KCNU1: variants seen among roughly 807,000 people sequenced by gnomAD.
The protein encoded by KCNU1 is potassium channel subfamily U member 1.
Under a neutral mutation model 126.8 loss-of-function variants are expected in KCNU1, and 93 were observed. The ratio of observed to expected loss-of-function variants is 0.73; its 90% confidence interval spans 0.62 to 0.87. The LOEUF (loss-of-function observed/expected upper bound fraction) is 0.87, where lower values mean the gene tolerates loss of function less well. Among genes scored for constraint, KCNU1 ranks in the 40% least tolerant of loss-of-function variants. The pLI, the probability that KCNU1 is intolerant of heterozygous loss-of-function variation, is 0.00. For missense variants in KCNU1, 1,330 were observed against 1,367.1 expected, an observed-to-expected ratio of 0.97 and a Z score of 0.43; for synonymous variants, 523 against 494.2, an observed-to-expected ratio of 1.06 and a Z score of -0.77.
chr8:36,831,523 T>C (rs1193573204), intron 10 of KCNU1, among the ~76,000 whole-genome samples: 63 of 151,972 alleles, frequency 4.1e-4, no homozygotes, highest in Non-Finnish European at 8.1e-4. Flanking sequence ...TGGTGAGCAT[T>C]TTTTCATGTG....
Position 36,878,346 on chromosome 8 carries a change from G to A in KCNU1, c.2009+13825G>A, listed in dbSNP as rs562291749. On this transcript the variant is annotated intron_variant, in intron 19 of 26. Transcript: ENST00000399881. ...AAATCTGTGTGCCCCACCCAAGGAG[G>A]CTGCTCTGTCAGCTGCACTCTACCA... is the stretch of plus-strand genomic sequence containing the variant. Among the ~76,000 whole-genome samples the A allele has an allele frequency of 7.9e-5, 12 of 152,300 alleles. 2 individuals are homozygous for A. The highest frequency in any genetic ancestry group is 2.9e-4 in the African/African-American group (12 of 41,572).
Position 36,822,707 on chromosome 8 carries a change from A to C in KCNU1, c.1106+4947A>C, listed in dbSNP as rs180963908. On this transcript the variant is annotated intron_variant, in intron 10 of 26. Transcript: ENST00000399881. ...AAAAACTATGACTAAATTAAGCAGA[A>C]AAGAATACACAAATAGATATTACAC... 2.6e-3 allele frequency among the ~76,000 whole-genome samples: 398 copies of C among 152,286 alleles called. 4 individuals are homozygous for C. Among genetic ancestry groups the C allele is most frequent in the Non-Finnish European group, 1.7e-3 (118 of 68,032 alleles).
chr8:36,846,927 G>C (rs78271872), intron 18 of KCNU1, among the ~76,000 whole-genome samples: 1 of 151,908 alleles, frequency 6.6e-6, no homozygotes, highest in African/African-American at 2.4e-5. Flanking sequence ...TGAGGTTCTT[G>C]TTCTCTCCTT....
chr8:36,834,752 A>G (rs1056409655), intron 11 of KCNU1, 34 bp from the exon 12 acceptor site: 2 of 1,406,928 alleles, frequency 1.4e-6, no homozygotes, highest in Non-Finnish European at 1.0e-6. Flanking sequence ...CCATGTAATT[A>G]ACAAGATGGC....
intron 2 of KCNU1, among the ~76,000 whole-genome samples, chr8:36,790,187 A>G (rs1421467937): frequency 6.6e-6 from 1 of 152,246 alleles, no homozygotes; most frequent in East Asian, 1.9e-4. Flanking sequence ...ACAAAATTCA[A>G]CCATAACCTT....
intron 16 of KCNU1, among the ~76,000 whole-genome samples, chr8:36,843,772 T>C (rs1805041080): frequency 1.3e-5 from 2 of 152,184 alleles, no homozygotes; most frequent in East Asian, 1.9e-4. Flanking sequence ...CTTGAAGAGA[T>C]CCTACGACTT....
chr8:36,804,085 CTGAG>C lies in KCNU1; in HGVS notation c.377+3_377+6del, dbSNP rs773008881. 1 of 1,549,080 alleles carries C rather than the reference CTGAG, an allele frequency of 6.5e-7. No individual in the cohort carries two copies. Among genetic ancestry groups the C allele is most frequent in the Non-Finnish European group, 8.8e-7 (1 of 1,140,976 alleles). ...CTTATAATCTATTTCATCAATTCTG[CTGAG>C]TGAGTACAATGTCCAGTCACACTTG... is the stretch of plus-strand genomic sequence containing the variant. On this transcript the variant is annotated splice_donor_variant and coding_sequence_variant, in exon 3 of 27. Transcript: ENST00000399881. LOFTEE classifies it high-confidence loss of function.
chr8:36,885,373 G>A (rs1806656612), intron 19 of KCNU1, among the ~76,000 whole-genome samples: 1 of 152,036 alleles, frequency 6.6e-6, no homozygotes, highest in Non-Finnish European at 1.5e-5. Flanking sequence ...CGACCAACAT[G>A]ATGAAACCCC....
In KCNU1 at chr8:36,815,613, T is replaced by C; in HGVS notation, c.921T>C (p.Tyr307=). ...TLGSLILFAN[Y]IPEMVELFAN... ...AATTTTAGATATTATTTGCGAACTA[T>C]ATACCTGAAATGGTGGAACTGTTTG... The change falls in exon 9 of 27, where the codon TAT becomes TAC. Residue 307 remains tyrosine (Y), a synonymous_variant. Transcript: ENST00000399881. 1 of 1,583,632 alleles carries C rather than the reference T, an allele frequency of 6.3e-7. No individual in the cohort carries two copies. Among genetic ancestry groups the C allele is most frequent in the Non-Finnish European group, 8.6e-7 (1 of 1,160,920 alleles).
chr8:36,858,662 T>C (rs1805620945), intron 18 of KCNU1, among the ~76,000 whole-genome samples: 1 of 152,166 alleles, frequency 6.6e-6, no homozygotes, highest in Non-Finnish European at 1.5e-5. Flanking sequence ...TAATCATCCC[T>C]TTTTAGCTGA....
intron 7 of KCNU1, among the ~76,000 whole-genome samples, chr8:36,813,047 C>T (rs543759055): frequency 2.6e-5 from 4 of 152,092 alleles, no homozygotes; most frequent in Non-Finnish European, 4.4e-5. Context: ...ATCTGTGTGA[C>T]TTAAATTTGG....
intron 19 of KCNU1, among the ~76,000 whole-genome samples, chr8:36,887,326 T>C (rs948811023): frequency 6.6e-6 from 1 of 152,180 alleles, no homozygotes; most frequent in South Asian, 2.1e-4. Context: ...ATAATGGCTA[T>C]TCTGGCTGGA....
chr8:36,829,299 T>C (rs780236811), intron 10 of KCNU1, among the ~76,000 whole-genome samples: 1 of 152,002 alleles, frequency 6.6e-6, no homozygotes, highest in Non-Finnish European at 1.5e-5. Flanking sequence ...GAATATTTTC[T>C]ATTATATTAA....
At chr8:36,797,523 C>T (rs1444521387) in intron 2 of KCNU1, among the ~76,000 whole-genome samples, 2 of 151,874 alleles carry the variant, frequency 1.3e-5, no homozygotes, top group Non-Finnish European at 2.9e-5. Context: ...AGCATGATTT[C>T]TTCTTAATAT....
At chr8:36,884,861 T>C (rs1292231476) in intron 19 of KCNU1, among the ~76,000 whole-genome samples, 1 of 152,214 alleles carries the variant, frequency 6.6e-6, no homozygotes, top group Non-Finnish European at 1.5e-5. Flanking sequence ...TGTGGTTGAA[T>C]TTCCAGTTTT....
rs1296415848 is a variant in KCNU1, at chr8:36,918,914, G to A, written c.2596+17G>A. The A allele has an allele frequency of 1.3e-6, 2 of 1,530,522 alleles. No homozygotes were observed. The highest frequency in any genetic ancestry group is 1.8e-6 in the Non-Finnish European group (2 of 1,108,226). 94.8% of individuals were successfully genotyped at this position (1,530,522 alleles called of 1,614,324 possible). On this transcript the variant is annotated intron_variant, in intron 23 of 26. Transcript: ENST00000399881. ...CTGAACTGAGTAAGTGGTGTTTCGA[G>A]GGGAAAATTCAATGGAGAAATTTTT...
intron 24 of KCNU1, chr8:36,929,057 T>A (rs1355924620): frequency 1.4e-6 from 1 of 696,522 alleles, no homozygotes. Flanking sequence ...AGTATTGCCA[T>A]GTCAACTTTA....
intron 19 of KCNU1, among the ~76,000 whole-genome samples, chr8:36,866,433 A>G (rs1805914062): frequency 1.3e-5 from 2 of 152,126 alleles, no homozygotes; most frequent in African/African-American, 2.4e-5. Flanking sequence ...TCCGGGAATT[A>G]CAGTTTGTGC....
intron 19 of KCNU1, among the ~76,000 whole-genome samples, chr8:36,892,881 C>T (rs1035921595): frequency 1.3e-5 from 2 of 152,058 alleles, no homozygotes; most frequent in Non-Finnish European, 2.9e-5. Context: ...CAACTCTGCA[C>T]ATGCACATGG....
Sources: allele counts gnomAD v4.1 joint callset (sites outside exome capture counted in the v4.1 genomes callset), GRCh38; gene constraint gnomAD v4.1.1; transcripts MANE v1.5; gene names NCBI Gene and HGNC (gene_info 2026-07-23, HGNC 2026-07-21).